The following ERAP1 variants were observed in gnomAD, a reference collection of about 807,000 sequenced individuals.
The protein encoded by ERAP1 is adipocyte-derived leucine aminopeptidase.
ERAP1 carries 86 observed loss-of-function variants against 103.7 expected under a neutral mutation model. That is an observed-to-expected ratio of 0.83 (90% confidence interval 0.70 to 0.99). The LOEUF is 0.99. Among genes scored for constraint, ERAP1 ranks in the 50% least tolerant of loss-of-function variants. ERAP1 has a pLI of 0.00. For synonymous variants in ERAP1, 398 were observed against 402.4 expected, an observed-to-expected ratio of 0.99 and a Z score of 0.13; for missense variants, 1,009 against 1,128.4, an observed-to-expected ratio of 0.89 and a Z score of 1.52.
the ERAP1 span, among the ~76,000 whole-genome samples, chr5:96,838,945 G>A: frequency 6.6e-6 from 1 of 152,196 alleles, no homozygotes; most frequent in Non-Finnish European, 1.5e-5. Flanking sequence ...TTACAAGCTT[G>A]GGGATTCCCC....
At chr5:96,784,190 G>A in intron 13 of ERAP1, 110 bp from the exon 14 acceptor site, 1 of 1,205,582 alleles carries the variant, frequency 8.3e-7, no homozygotes, top group Non-Finnish European at 1.2e-6. Context: ...AGATATAAAT[G>A]TCCCTTATAA....
the ERAP1 span, among the ~76,000 whole-genome samples, chr5:96,819,187 G>A: frequency 6.6e-6 from 1 of 152,096 alleles, no homozygotes; most frequent in Non-Finnish European, 1.5e-5. Context: ...GCCTCCCAAT[G>A]TGCTGGGATT....
At chr5:96,897,371 T>C in the ERAP1 span, among the ~76,000 whole-genome samples, 1 of 152,232 alleles carries the variant, frequency 6.6e-6, no homozygotes, top group Non-Finnish European at 1.5e-5. Context: ...ACTTTTAAGA[T>C]CCAGCTGAGA....
the ERAP1 span, among the ~76,000 whole-genome samples, chr5:96,893,693 A>T: frequency 1.8e-4 from 27 of 152,238 alleles, no homozygotes; most frequent in African/African-American, 6.0e-4. Flanking sequence ...CAGCACTGGA[A>T]TTTTTGCCCC....
chr5:96,818,996 G>T, the ERAP1 span, among the ~76,000 whole-genome samples: 11 of 151,946 alleles, frequency 7.2e-5, no homozygotes, highest in African/African-American at 2.7e-4. Flanking sequence ...CATGATCTCA[G>T]CTCACTGCAA....
chr5:96,832,847 G>A, the ERAP1 span, among the ~76,000 whole-genome samples: 1 of 152,142 alleles, frequency 6.6e-6, no homozygotes, highest in East Asian at 1.9e-4. Flanking sequence ...GAATGTTTGT[G>A]TCTCCTGAAA....
the ERAP1 span, among the ~76,000 whole-genome samples, chr5:96,911,126 C>T: frequency 6.6e-6 from 1 of 152,206 alleles, no homozygotes; most frequent in African/African-American, 2.4e-5. Flanking sequence ...CTGCAAATGG[C>T]AAATTATGTC....
chr5:96,900,866 A>T, the ERAP1 span, among the ~76,000 whole-genome samples: 1 of 151,988 alleles, frequency 6.6e-6, no homozygotes, highest in Admixed American at 6.6e-5. Flanking sequence ...TTCAGTAGAG[A>T]TGGGGTTTCA....
At chr5:96,826,356 G>A in the ERAP1 span, among the ~76,000 whole-genome samples, 2 of 152,110 alleles carry the variant, frequency 1.3e-5, no homozygotes, top group African/African-American at 2.4e-5. Context: ...AAGAGTATTT[G>A]GGCAGAGAGA....
the ERAP1 span, among the ~76,000 whole-genome samples, chr5:96,902,975 T>C: frequency 6.6e-6 from 1 of 152,204 alleles, no homozygotes; most frequent in Non-Finnish European, 1.5e-5. Flanking sequence ...AGTCCTTCTT[T>C]ACTAAAATGA....
the ERAP1 span, chr5:96,886,771 C>A: frequency 6.6e-7 from 1 of 1,514,024 alleles, no homozygotes. Flanking sequence ...TGAGTGGCTT[C>A]ACTTCATCAG....
At position 96,793,865 on chromosome 5, in the gene ERAP1, T is replaced by A; in HGVS notation, c.1012A>T (p.Lys338Ter). ...CCAAGCTTACTTGATGCAGAAGACTTTTCTGCATCAAACAACAGAGCAGAT... is the reference window on the plus strand; with the variant it reads ...CCAAGCTTACTTGATGCAGAAGACTATTCTGCATCAAACAACAGAGCAGAT... ...RESALLFDAE[K>*]SSASSKLGIT... Residue 338 changes from lysine (K) to a stop codon, truncating the protein, a stop_gained, in exon 6 of 19, where the codon AAG becomes TAG. Transcript: ENST00000443439. LOFTEE classifies it high-confidence loss of function. 4 of 1,613,476 alleles carry A rather than the reference T, an allele frequency of 2.5e-6. No homozygotes were observed. Among genetic ancestry groups the A allele is most frequent in the Non-Finnish European group, 3.4e-6 (4 of 1,179,364 alleles).
At chr5:96,896,418 T>G in the ERAP1 span, 4 of 1,612,418 alleles carry the variant, frequency 2.5e-6, no homozygotes, top group South Asian at 3.3e-5. Flanking sequence ...TACAAAAGAT[T>G]CATTGAATTC....
At chr5:96,925,213 C>T in the ERAP1 span, among the ~76,000 whole-genome samples, 1 of 152,218 alleles carries the variant, frequency 6.6e-6, no homozygotes, top group African/African-American at 2.4e-5. Context: ...ACAGCAAATA[C>T]ATCTTTAGTG....
the ERAP1 span, among the ~76,000 whole-genome samples, chr5:96,875,497 C>T: frequency 6.7e-6 from 1 of 150,090 alleles, no homozygotes; most frequent in Admixed American, 6.6e-5. Flanking sequence ...GATGGCACCA[C>T]TGCACTCCAA....
rs1057018751 is a variant in ERAP1 at position 96,776,310 on chromosome 5, G to A, written c.*86C>T. The A allele has an allele frequency of 2.1e-5, 33 of 1,549,392 alleles. No individual in the cohort carries two copies. In the African/African-American group the frequency reaches 4.1e-4, roughly 19 times the overall value. ...AGGGAAAAAAGTATCTCCAGTTGGA[G>A]CCAAAACAGCCATCTCTAGTTTGAA... is the stretch of plus-strand genomic sequence containing the variant. On this transcript the variant is annotated 3_prime_UTR_variant, in exon 19 of 19. Coordinates refer to ENST00000443439, the MANE Select transcript of ERAP1 (RefSeq NM_001040458.3).
intron 2 of ERAP1, among the ~76,000 whole-genome samples, chr5:96,802,747 T>C (rs1294435343): frequency 6.6e-6 from 1 of 152,120 alleles, no homozygotes; most frequent in African/African-American, 2.4e-5. Flanking sequence ...TATTTGGACA[T>C]AGGGTCTTTA....
downstream of ERAP1, chr5:96,771,805 C>A: frequency 1.5e-6 from 1 of 687,744 alleles, no homozygotes; most frequent in African/African-American, 1.8e-5. Context: ...AATTCATGCT[C>A]ACTTTACAGT....
the ERAP1 span, among the ~76,000 whole-genome samples, chr5:96,927,946 C>T: frequency 6.6e-6 from 1 of 152,054 alleles, no homozygotes; most frequent in African/African-American, 2.4e-5. Context: ...TGCTCTTTTG[C>T]CCAGGCTGGA....
Sources: gnomAD v4.1 joint callset for allele counts (sites outside exome capture counted in the v4.1 genomes callset) on GRCh38, gnomAD v4.1.1 for gene constraint, MANE v1.5 for transcripts, NCBI Gene and HGNC (gene_info 2026-07-23, HGNC 2026-07-21) for gene names.